Variants in SPECC1 observed in about 807,000 individuals in gnomAD.
SPECC1 encodes sperm antigen with calponin homology and coiled-coil domains 1.
A neutral mutation model predicts 104.1 loss-of-function variants in SPECC1; 62 were observed. The ratio of observed to expected loss-of-function variants is 0.60; its 90% CI spans 0.49 to 0.74. The LOEUF (loss-of-function observed/expected upper bound fraction) is 0.74, where lower values mean the gene tolerates loss of function less well. SPECC1 is among the 30% of genes least tolerant of loss of function. SPECC1 has a pLI of 0.00. For synonymous variants in SPECC1, 513 were observed against 501.6 expected, an observed-to-expected ratio of 1.02 and a Z score of -0.30; for missense variants, 1,306 against 1,310.5, an observed-to-expected ratio of 1.00 and a Z score of 0.05.
At chr17:20,227,792 G>A (rs931752616) in intron 5 of SPECC1, among the ~76,000 whole-genome samples, 172 bp downstream of exon 5, 1 of 152,086 alleles carries the variant, frequency 6.6e-6, no homozygotes, top group African/African-American at 2.4e-5. Context: ...GTGGGCGCCT[G>A]TAATCCCAGC....
At chr17:20,226,296 AAC>A (rs1483569782) in intron 4 of SPECC1, among the ~76,000 whole-genome samples, 6 of 152,244 alleles carry the variant, frequency 3.9e-5, no homozygotes, top group Non-Finnish European at 7.3e-5. Context: ...ACATTTCAAA[AAC>A]ACAGTTAAAA....
intron 4 of SPECC1, among the ~76,000 whole-genome samples, chr17:20,206,961 T>A (rs1201694937): frequency 1.3e-5 from 2 of 152,204 alleles, no homozygotes; most frequent in African/African-American, 4.8e-5. Context: ...ATAACTTTTC[T>A]CAACACTTTA....
intron 1 of SPECC1, among the ~76,000 whole-genome samples, chr17:20,088,226 A>G (rs1173554163): frequency 6.6e-6 from 1 of 152,158 alleles, no homozygotes; most frequent in Non-Finnish European, 1.5e-5. Context: ...ATTTTTGTGT[A>G]CGTGTCTTAA....
intron 3 of SPECC1, among the ~76,000 whole-genome samples, chr17:20,143,176 A>AG (rs1468342321): frequency 6.8e-5 from 2 of 29,250 alleles, no homozygotes; most frequent in Non-Finnish European, 1.9e-4. Flanking sequence ...TCTTTATAGG[A>AG]AAAAAAAAAA....
At chr17:20,124,853 T>G (rs1305527986) in intron 3 of SPECC1, among the ~76,000 whole-genome samples, 3 of 152,172 alleles carry the variant, frequency 2.0e-5, no homozygotes, top group Non-Finnish European at 4.4e-5. Context: ...TTGTATTAGA[T>G]TGGTGCAAAA....
chr17:20,074,126 G>C (rs776585371), intron 1 of SPECC1, among the ~76,000 whole-genome samples: 32 of 152,296 alleles, frequency 2.1e-4, no homozygotes, highest in African/African-American at 7.0e-4. Context: ...GGATGTCTAA[G>C]GTCCTGTGGA....
chr17:20,298,976 T>G (rs993789966), intron 13 of SPECC1, among the ~76,000 whole-genome samples: 1 of 77,380 alleles, frequency 1.3e-5, no homozygotes, highest in Non-Finnish European at 2.3e-5. Flanking sequence ...TGTGTGTATG[T>G]AGAGAGAGAG....
rs1320056461 is a variant in SPECC1, at chr17:20,093,702, T to TTTTTTG, written c.-21-2905_-21-2900dup. Reference sequence around the variant, plus strand: ...TGGACGGAGGGCACCATATTGTGGGTTTTTTGTTTTTGTTTTTGTTTTTGT... The same window carrying TTTTTTG: ...TGGACGGAGGGCACCATATTGTGGGTTTTTTGTTTTTGTTTTTGTTTTTGTTTTTGT... On this transcript the variant is annotated intron_variant, in intron 1 of 14. Coordinates refer to ENST00000395527, the MANE Select transcript of SPECC1 (RefSeq NM_001243439.2). Among the ~76,000 whole-genome samples, 184 of 148,178 alleles carry TTTTTTG rather than the reference T, an allele frequency of 1.2e-3. 4 individuals are homozygous for TTTTTTG. The highest frequency in any genetic ancestry group is 4.0e-3 in the African/African-American group (157 of 39,332).
intron 1 of SPECC1, among the ~76,000 whole-genome samples, chr17:20,082,469 C>G (rs36077949): frequency 2.0e-5 from 3 of 151,806 alleles, no homozygotes; most frequent in African/African-American, 7.3e-5. Flanking sequence ...CGTGGTGGTG[C>G]GCACCTTGTC....
chr17:20,027,645 G>A (rs1466341460), intron 1 of SPECC1, among the ~76,000 whole-genome samples: 1 of 152,144 alleles, frequency 6.6e-6, no homozygotes, highest in African/African-American at 2.4e-5. Context: ...TCTGCATATC[G>A]ATATCCAGTT....
At chr17:20,274,670 C>T (rs763207257) in intron 12 of SPECC1, among the ~76,000 whole-genome samples, 23 of 151,586 alleles carry the variant, frequency 1.5e-4, no homozygotes, top group African/African-American at 5.3e-4. Context: ...TTAGTAGAGA[C>T]GAGGTTTCAC....
At chr17:20,262,797 T>C (rs1205923230) in intron 12 of SPECC1, among the ~76,000 whole-genome samples, 2 of 152,124 alleles carry the variant, frequency 1.3e-5, no homozygotes, top group Non-Finnish European at 2.9e-5. Context: ...ATGTCAGCAG[T>C]CAGATGTCTT....
chr17:20,158,535 A>C (rs1256462269), intron 3 of SPECC1, among the ~76,000 whole-genome samples: 1 of 152,176 alleles, frequency 6.6e-6, no homozygotes, highest in Non-Finnish European at 1.5e-5. Flanking sequence ...TGGCCACTTG[A>C]TGGGGGAGCT....
In SPECC1 at chr17:20,204,914, A is replaced by G. The variant is rs371274703; in HGVS notation, c.865A>G (p.Thr289Ala). 78 of 1,614,130 alleles carry G rather than the reference A, an allele frequency of 4.8e-5. No homozygotes were observed. In the African/African-American group the frequency reaches 9.1e-4, roughly 19 times the overall value. The change falls in exon 4 of 15, where the codon ACT becomes GCT. Residue 289 changes from threonine (T) to alanine (A), a missense_variant. Thr to Ala is a moderately conservative substitution (Grantham distance 58). Around this residue, in one of 2 missense-constraint regions of SPECC1, gnomAD observed 1,177 missense variants for 1,139.9 expected, o/e 1.03. Transcript: ENST00000395527. The part of the protein sequence containing the change: ...ITQESSFGSP[T>A]GNQMSSDIDE... ...TCAAGAGTCAAGCTTCGGAAGCCCA[A>G]CTGGAAATCAGATGTCCAGTGACAT... is the stretch of plus-strand genomic sequence containing the variant.
At chr17:20,232,993 A>G (rs1160816164) in intron 7 of SPECC1, among the ~76,000 whole-genome samples, 1 of 152,238 alleles carries the variant, frequency 6.6e-6, no homozygotes, top group African/African-American at 2.4e-5. Flanking sequence ...CACACAGTGT[A>G]TCAGCCCAGG....
intron 1 of SPECC1, among the ~76,000 whole-genome samples, chr17:20,091,660 A>G (rs1044493818): frequency 2.6e-5 from 4 of 152,182 alleles, no homozygotes; most frequent in Admixed American, 1.3e-4. Context: ...TATTTTCAAC[A>G]TGTGGTTCAC....
intron 3 of SPECC1, among the ~76,000 whole-genome samples, chr17:20,170,504 A>G (rs2034006222): frequency 6.6e-6 from 1 of 152,108 alleles, no homozygotes; most frequent in South Asian, 2.1e-4. Flanking sequence ...TGACCCAGAA[A>G]TCCTGAGCCA....
intron 1 of SPECC1, among the ~76,000 whole-genome samples, chr17:20,057,201 G>A (rs2152467713): frequency 6.6e-6 from 1 of 152,244 alleles, no homozygotes; most frequent in South Asian, 2.1e-4. Flanking sequence ...CAGCACTTTG[G>A]GAGGCCGAGG....
At chr17:20,284,726 T>C (rs1044393349) in intron 12 of SPECC1, among the ~76,000 whole-genome samples, 7 of 152,206 alleles carry the variant, frequency 4.6e-5, no homozygotes, top group South Asian at 2.1e-4. Flanking sequence ...TGTTAAACTT[T>C]CCAAAAACTA....
Sources: allele counts gnomAD v4.1 joint callset (sites outside exome capture counted in the v4.1 genomes callset), GRCh38; gene constraint gnomAD v4.1.1; regional missense constraint gnomAD v4.1.1; transcripts MANE v1.5; gene names NCBI Gene and HGNC (gene_info 2026-07-23, HGNC 2026-07-21).